Variants in NTN1 observed in about 807,000 individuals in gnomAD.
NTN1 encodes the protein netrin 1, also known as netrin-1.
NTN1 carries 11 observed loss-of-function variants against 54.2 expected under a neutral mutation model. The observed-to-expected ratio is 0.20, with a 90% CI of 0.13 to 0.34. The LOEUF is 0.34. Ranked by LOEUF, NTN1 falls within the 10% of genes least tolerant of loss-of-function variation. NTN1 has a pLI of 1.00. For synonymous variants in NTN1, 371 were observed against 382.0 expected, an observed-to-expected ratio of 0.97 and a Z score of 0.33; for missense variants, 740 against 893.1, an observed-to-expected ratio of 0.83 and a Z score of 2.18.
upstream of NTN1, among the ~76,000 whole-genome samples, chr17:9,019,309 T>C (rs1247211237): frequency 6.6e-6 from 1 of 152,256 alleles, no homozygotes; most frequent in African/African-American, 2.4e-5. Context: ...ATGCATACTT[T>C]TTAAAAAATT....
chr17:9,025,878 C>T (rs2091868978), intron 2 of NTN1, among the ~76,000 whole-genome samples: 1 of 152,196 alleles, frequency 6.6e-6, no homozygotes, highest in Admixed American at 6.5e-5. Context: ...TTAATAAATC[C>T]TTCAAAAGTA....
At chr17:9,061,374 G>A (rs755231428) in intron 2 of NTN1, among the ~76,000 whole-genome samples, 1 of 152,176 alleles carries the variant, frequency 6.6e-6, no homozygotes, top group South Asian at 2.1e-4. Flanking sequence ...GAGAACATGT[G>A]TCAATGAGAC....
chr17:9,102,519 A>C (rs369092061), intron 2 of NTN1, among the ~76,000 whole-genome samples: 1 of 152,338 alleles, frequency 6.6e-6, no homozygotes, highest in East Asian at 1.9e-4. Context: ...TGGGAACGAC[A>C]ATTCAAGATG....
rs374707235 is a variant in NTN1 at position 9,162,840 on chromosome 17, G to A, written c.1046G>A (p.Arg349His). The A allele has an allele frequency of 4.3e-6, 7 of 1,613,454 alleles. No individual in the cohort carries two copies. Among genetic ancestry groups the A allele is most frequent in the Admixed American group, 1.7e-5 (1 of 60,020 alleles). Residue 349 changes from arginine to histidine, a missense_variant, in exon 3 of 7, where the codon CGC (arginine) becomes CAC (histidine). Coordinates refer to ENST00000173229, the MANE Select transcript of NTN1 (RefSeq NM_004822.3). ...TGTAACTGCAACCTGCATGCCCGGC[G>A]CTGCCGCTTCAACATGGAGCTCTAC... Reference protein sequence around the residue: ...VACNCNLHARRCRFNMELYKL... With the variant: ...VACNCNLHARHCRFNMELYKL...
chr17:9,197,362 G>C (rs1187117991), intron 5 of NTN1, among the ~76,000 whole-genome samples: 2 of 152,082 alleles, frequency 1.3e-5, no homozygotes, highest in Middle Eastern at 3.2e-3. Context: ...AGAGGGATTA[G>C]AAATTCATGA....
chr17:9,101,930 T>C (rs968954649), intron 2 of NTN1, among the ~76,000 whole-genome samples: 1 of 152,212 alleles, frequency 6.6e-6, no homozygotes, highest in African/African-American at 2.4e-5. Flanking sequence ...AGTTGGAAGC[T>C]GCAGTGAGCT....
At position 9,219,630 on chromosome 17, in the gene NTN1, C is replaced by T. The variant is rs1184464094; in HGVS notation, c.1412-1538C>T. 6.6e-6 allele frequency among the ~76,000 whole-genome samples: 1 copy of T among 152,240 alleles called. No homozygotes were observed. Among genetic ancestry groups the T allele is most frequent in the Admixed American group, 6.5e-5 (1 of 15,290 alleles). On this transcript the variant is annotated intron_variant, in intron 5 of 6. Transcript: ENST00000173229. This position sits in a 1 kb window ranked among gnomAD's most constrained non-coding sequence, Gnocchi z 4.5. ...GCAGTGGCCTTCACAGGCCAGAGGC[C>T]AGCCCTGGAGAGGTCTCCCTGAACA...
At chr17:9,189,517 A>G (rs1168942703) in intron 5 of NTN1, among the ~76,000 whole-genome samples, 1 of 151,980 alleles carries the variant, frequency 6.6e-6, no homozygotes, top group Non-Finnish European at 1.5e-5. Flanking sequence ...ACGCCTGGCT[A>G]ATTTTTGTAT....
At chr17:9,091,673 G>C (rs2092111121) in intron 2 of NTN1, among the ~76,000 whole-genome samples, 1 of 150,648 alleles carries the variant, frequency 6.6e-6, no homozygotes, top group African/African-American at 2.4e-5. Context: ...GGCTGGTCTC[G>C]AACTCCCGAC....
rs951014449 is a variant in NTN1 at position 9,211,005 on chromosome 17, A to C, written c.1412-10163A>C. On this transcript the variant is annotated intron_variant, in intron 5 of 6. Coordinates refer to ENST00000173229, the MANE Select transcript of NTN1 (RefSeq NM_004822.3). This position sits in a 1 kb window ranked among gnomAD's most constrained non-coding sequence, Gnocchi z 4.4. ...CAAGAATTGTATCCTCATTGCAGTA[A>C]ATTTTAAAATATACCTAAGACAATA... Among the ~76,000 whole-genome samples the C allele has an allele frequency of 2.0e-5, 3 of 151,110 alleles. No homozygotes were observed. The highest frequency in any genetic ancestry group is 1.3e-4 in the Admixed American group (2 of 15,142).
chr17:9,216,909 G>C (rs182240433), intron 5 of NTN1, among the ~76,000 whole-genome samples: 1 of 152,132 alleles, frequency 6.6e-6, no homozygotes, highest in African/African-American at 2.4e-5. Context: ...GGACGAGCTG[G>C]TGTGTGCCTA....
At chr17:9,144,737 C>A (rs930968099) in intron 2 of NTN1, among the ~76,000 whole-genome samples, 1 of 152,274 alleles carries the variant, frequency 6.6e-6, no homozygotes, top group Non-Finnish European at 1.5e-5. Context: ...GGCCTCCCAG[C>A]CTCAGTGGGG....
At chr17:9,006,768 T>A in the NTN1 span, among the ~76,000 whole-genome samples, 1 of 152,226 alleles carries the variant, frequency 6.6e-6, no homozygotes, top group Non-Finnish European at 1.5e-5. Flanking sequence ...CCTTCTGTGT[T>A]CATTTAGCAA....
chr17:9,163,477 A>AAC (rs55765967), intron 3 of NTN1, among the ~76,000 whole-genome samples: 6,009 of 141,792 alleles, frequency 0.042, 144 homozygotes, highest in South Asian at 0.1. Flanking sequence ...TCCCCCCCGA[A>AAC]ACACACACAC....
intron 2 of NTN1, among the ~76,000 whole-genome samples, chr17:9,066,638 A>G (rs1033760293): frequency 1.9e-4 from 29 of 151,300 alleles, no homozygotes; most frequent in Non-Finnish European, 1.2e-4. Flanking sequence ...AAAGAAAAAA[A>G]AATTCAATAG....
At chr17:9,048,662 T>C (rs2091949101) in intron 2 of NTN1, among the ~76,000 whole-genome samples, 1 of 152,122 alleles carries the variant, frequency 6.6e-6, no homozygotes, top group Non-Finnish European at 1.5e-5. Context: ...CACTTTTTTT[T>C]TTTCTTTTTT....
intron 2 of NTN1, among the ~76,000 whole-genome samples, chr17:9,080,402 G>A (rs1392033105): frequency 6.6e-6 from 1 of 152,204 alleles, no homozygotes; most frequent in African/African-American, 2.4e-5. Flanking sequence ...AGAGGTGGAT[G>A]GTTCCAGTTA....
At position 9,165,928 on chromosome 17, in the gene NTN1, G is replaced by A. The variant is rs961984425; in HGVS notation, c.1207+2927G>A. On this transcript the variant is annotated intron_variant, in intron 3 of 6. Transcript: ENST00000173229. The surrounding 1 kb of genome is among the most constrained non-coding windows in gnomAD (Gnocchi z 4.5). ...GGTGAGCAAAAATTTGACCCAAGAA[G>A]TCCAGCCATCTGATTGGTGAAGAAA... Among the ~76,000 whole-genome samples, 2 of 152,070 alleles carry A rather than the reference G, an allele frequency of 1.3e-5. No individual in the cohort carries two copies. The highest frequency in any genetic ancestry group is 2.9e-5 in the Non-Finnish European group (2 of 68,004).
At chr17:9,134,804 C>T (rs2092276080) in intron 2 of NTN1, among the ~76,000 whole-genome samples, 1 of 152,148 alleles carries the variant, frequency 6.6e-6, no homozygotes, top group Non-Finnish European at 1.5e-5. Flanking sequence ...GGGGTCTTTC[C>T]ATGGCTGTTG....
Sources: gnomAD v4.1 joint callset for allele counts (sites outside exome capture counted in the v4.1 genomes callset) on GRCh38, gnomAD v4.1.1 for gene constraint, Gnocchi (gnomAD v3.1) non-coding constraint, MANE v1.5 for transcripts, NCBI Gene and HGNC (gene_info 2026-07-23, HGNC 2026-07-21) for gene names.